The following MARCHF1 variants were observed in gnomAD, a reference collection of about 807,000 sequenced individuals.
MARCHF1 encodes E3 ubiquitin-protein ligase MARCHF1.
A neutral mutation model predicts 54.2 loss-of-function variants in MARCHF1; 40 were observed. That is an observed-to-expected ratio of 0.74 (90% confidence interval 0.57 to 0.96). MARCHF1 has a LOEUF of 0.96. Among genes scored for constraint, MARCHF1 ranks in the 40% least tolerant of loss-of-function variants. The pLI, the probability that MARCHF1 is intolerant of heterozygous loss-of-function variation, is 0.00. For missense variants in MARCHF1, 586 were observed against 656.5 expected, an observed-to-expected ratio of 0.89 and a Z score of 1.17; for synonymous variants, 236 against 236.3, an observed-to-expected ratio of 1.00 and a Z score of 0.01.
intron 1 of MARCHF1, among the ~76,000 whole-genome samples, chr4:164,142,859 C>T (rs968020637): frequency 1.1e-4 from 17 of 151,838 alleles, no homozygotes; most frequent in African/African-American, 2.9e-4. Context: ...AGGCTTCAGA[C>T]GATCAAATTA....
At chr4:164,310,836 T>C (rs1734830820) in intron 1 of MARCHF1, among the ~76,000 whole-genome samples, 1 of 152,138 alleles carries the variant, frequency 6.6e-6, no homozygotes. Context: ...TCATACACAG[T>C]TTAGAATTTT....
chr4:163,913,691 C>T (rs75779004), intron 3 of MARCHF1, among the ~76,000 whole-genome samples: 3,131 of 152,234 alleles, frequency 0.021, 47 homozygotes, highest in Non-Finnish European at 0.032. Flanking sequence ...TCTGGATAGC[C>T]ACTCTTGTTA....
At position 163,908,567 on chromosome 4, in the gene MARCHF1, G is replaced by A. The variant is rs141450374; in HGVS notation, c.-38-54398C>T. On this transcript the variant is annotated intron_variant, in intron 3 of 9. Transcript: ENST00000514618. The stretch of plus-strand genomic sequence containing the variant: ...TCCTGTAGGTGGACAGGTTTGTGCT[G>A]GATTTGAAGGAGGCTAAGAATGTAG... Among the ~76,000 whole-genome samples, 592 of 152,222 alleles carry A rather than the reference G, an allele frequency of 3.9e-3. 3 individuals carry two copies. Among genetic ancestry groups the A allele is most frequent in the African/African-American group, 0.014 (565 of 41,550 alleles).
At chr4:164,011,503 G>C (rs1753420137) in intron 2 of MARCHF1, among the ~76,000 whole-genome samples, 1 of 152,094 alleles carries the variant, frequency 6.6e-6, no homozygotes, top group Admixed American at 6.6e-5. Flanking sequence ...ATGGCCAATA[G>C]GTATATTTAA....
Position 163,545,583 on chromosome 4 carries a change from G to A in MARCHF1, c.1339+13C>T. The A allele has an allele frequency of 2.5e-6, 4 of 1,609,940 alleles. No individual in the cohort carries two copies. Among genetic ancestry groups the A allele is most frequent in the Non-Finnish European group, 2.5e-6 (3 of 1,178,040 alleles). The stretch of plus-strand genomic sequence containing the variant: ...TAGGATCCAAGAGGGTAAGAAGAAA[G>A]ATGTGCTCTTACCATTGTCATTGCC... On this transcript the variant is annotated intron_variant, in intron 9 of 9. Transcript: ENST00000514618.
At chr4:163,831,422 A>G (rs1338572834) in intron 4 of MARCHF1, among the ~76,000 whole-genome samples, 1 of 152,148 alleles carries the variant, frequency 6.6e-6, no homozygotes, top group African/African-American at 2.4e-5. Flanking sequence ...TGTGTCTACA[A>G]CAGTAAAAGT....
chr4:164,367,616 CTTAGAT>C (rs141875599), intron 1 of MARCHF1, among the ~76,000 whole-genome samples: 77,539 of 150,960 alleles, frequency 0.51, 20,769 homozygotes, highest in East Asian at 0.65. Flanking sequence ...GTAGGAATGA[CTTAGAT>C]TTAAAGTTCT....
intron 1 of MARCHF1, among the ~76,000 whole-genome samples, chr4:164,143,876 G>A (rs1729581445): frequency 6.6e-6 from 1 of 152,122 alleles, no homozygotes; most frequent in African/African-American, 2.4e-5. Flanking sequence ...ACACAGACTG[G>A]CAAATTGGAT....
At chr4:163,722,215 T>C (rs1745494614) in intron 4 of MARCHF1, among the ~76,000 whole-genome samples, 1 of 152,032 alleles carries the variant, frequency 6.6e-6, no homozygotes, top group African/African-American at 2.4e-5. Context: ...GTCCCAGAGA[T>C]TCTGGTATGC....
At chr4:164,042,985 T>C (rs1456884597) in intron 2 of MARCHF1, among the ~76,000 whole-genome samples, 1 of 152,208 alleles carries the variant, frequency 6.6e-6, no homozygotes, top group Non-Finnish European at 1.5e-5. Context: ...AGGGGGCTCC[T>C]AAGGCCTTGG....
chr4:164,320,209 A>G (rs946440428), intron 1 of MARCHF1, among the ~76,000 whole-genome samples: 2 of 152,196 alleles, frequency 1.3e-5, no homozygotes, highest in Non-Finnish European at 2.9e-5. Context: ...GGTATTAAGC[A>G]TTCTACTTAG....
intron 2 of MARCHF1, among the ~76,000 whole-genome samples, chr4:164,041,552 T>G (rs1754129516): frequency 6.6e-6 from 1 of 152,204 alleles, no homozygotes; most frequent in Admixed American, 6.5e-5. Context: ...AGTACATGTC[T>G]TATAACAAAA....
intron 1 of MARCHF1, among the ~76,000 whole-genome samples, chr4:164,223,491 T>C (rs1349938959): frequency 2.6e-5 from 4 of 152,028 alleles, no homozygotes; most frequent in African/African-American, 4.8e-5. Flanking sequence ...GTGAAAAATA[T>C]TGATTGCCTT....
intron 5 of MARCHF1, among the ~76,000 whole-genome samples, chr4:163,613,892 C>T (rs1741432351): frequency 6.6e-6 from 1 of 152,068 alleles, no homozygotes; most frequent in African/African-American, 2.4e-5. Flanking sequence ...GAATTTATTG[C>T]TATTAAAATT....
intron 5 of MARCHF1, among the ~76,000 whole-genome samples, chr4:163,670,999 G>T (rs1267251474): frequency 1.3e-5 from 2 of 152,158 alleles, no homozygotes; most frequent in African/African-American, 4.8e-5. Flanking sequence ...GAAATTCATT[G>T]ATTTCACCTC....
intron 2 of MARCHF1, among the ~76,000 whole-genome samples, chr4:164,042,664 T>C (rs1429363534): frequency 1.3e-5 from 2 of 152,146 alleles, no homozygotes; most frequent in Non-Finnish European, 2.9e-5. Flanking sequence ...CAATTACCCT[T>C]CTCAGCAGTC....
chr4:163,804,047 G>C (rs1253067403), intron 4 of MARCHF1, among the ~76,000 whole-genome samples: 1 of 152,100 alleles, frequency 6.6e-6, no homozygotes, highest in Non-Finnish European at 1.5e-5. Flanking sequence ...TCTTGACTGA[G>C]AAAAAATAAT....
intron 1 of MARCHF1, among the ~76,000 whole-genome samples, chr4:164,176,962 C>A (rs1182920037): frequency 0.045 from 1,868 of 41,916 alleles, 154 homozygotes; most frequent in Non-Finnish European, 0.065. Context: ...CTCTCTCTCT[C>A]TCTCTCTCTC....
At chr4:164,176,974 C>CTA (rs1382575137) in intron 1 of MARCHF1, among the ~76,000 whole-genome samples, 16 of 29,966 alleles carry the variant, frequency 5.3e-4, no homozygotes, top group African/African-American at 1.5e-3. Flanking sequence ...CTCTCTCTCT[C>CTA]TCTCTCTATA....
Sources: gnomAD v4.1 joint callset for allele counts (sites outside exome capture counted in the v4.1 genomes callset) on GRCh38, gnomAD v4.1.1 for gene constraint, MANE v1.5 for transcripts, NCBI Gene and HGNC (gene_info 2026-07-23, HGNC 2026-07-21) for gene names.